Variants in UGT1A10 observed in about 807,000 individuals in gnomAD.
The protein encoded by UGT1A10 is UDP-glucuronosyltransferase 1A10.
A neutral mutation model predicts 45.8 loss-of-function variants in UGT1A10; 49 were observed. The ratio of observed to expected loss-of-function variants is 1.07; its 90% CI spans 0.85 to 1.36. UGT1A10 has a LOEUF of 1.36. UGT1A10 is among the 40% of genes most tolerant of loss of function. UGT1A10 has a pLI of 0.00. For missense variants in UGT1A10, 745 were observed against 668.6 expected, an observed-to-expected ratio of 1.11 and a Z score of -1.26; for synonymous variants, 284 against 249.7, an observed-to-expected ratio of 1.14 and a Z score of -1.29.
intron 1 of UGT1A10, among the ~76,000 whole-genome samples, chr2:233,745,802 C>T (rs1262659143): frequency 2.0e-5 from 3 of 151,022 alleles, no homozygotes; most frequent in Non-Finnish European, 2.9e-5. Context: ...GGGTCTATCC[C>T]AGAGTTTTGA....
intron 1 of UGT1A10, among the ~76,000 whole-genome samples, chr2:233,704,774 T>A (rs2125597595): frequency 6.6e-6 from 1 of 152,284 alleles, no homozygotes; most frequent in Admixed American, 6.5e-5. Flanking sequence ...CGCTTCCATA[T>A]GTTATAGTCC....
chr2:233,721,761 G>A, intron 1 of UGT1A10: 1 of 472,552 alleles, frequency 2.1e-6, no homozygotes. Flanking sequence ...CATCTAAATT[G>A]TTATATTTAG....
At chr2:233,730,201 G>A (rs1312808089) in intron 1 of UGT1A10, among the ~76,000 whole-genome samples, 2 of 152,190 alleles carry the variant, frequency 1.3e-5, no homozygotes, top group Non-Finnish European at 2.9e-5. Context: ...AGAGGAAGAG[G>A]AAGTAGACAC....
rs1367323954 is a variant in UGT1A10, at chr2:233,708,042, G to A, written c.856-58992G>A. ...TAGTTCTTTGGCAGTTATAGATATT[G>A]CAAATATCTTCCCCCACTCTGCATC... is the stretch of plus-strand genomic sequence containing the variant. On this transcript the variant is annotated intron_variant, in intron 1 of 4. Transcript: ENST00000344644. Among the ~76,000 whole-genome samples, 5 of 152,100 alleles carry A rather than the reference G, an allele frequency of 3.3e-5. No homozygotes were observed. The South Asian group carries it at 6.2e-4, about 19-fold the overall frequency.
chr2:233,719,078 G>A, intron 1 of UGT1A10: 11 of 1,614,254 alleles, frequency 6.8e-6, no homozygotes, highest in Non-Finnish European at 9.3e-6. Context: ...CATGGACCCA[G>A]AAGGAATTTG....
intron 1 of UGT1A10, among the ~76,000 whole-genome samples, chr2:233,665,643 GGCAGGCCCTTT>G (rs1402049646): frequency 2.0e-5 from 3 of 152,206 alleles, no homozygotes; most frequent in Admixed American, 2.0e-4. Flanking sequence ...GAGGTCTAAG[GGCAGGCCCTTT>G]GCTATCTGTA....
intron 1 of UGT1A10, among the ~76,000 whole-genome samples, chr2:233,728,866 T>C (rs1366541445): frequency 6.6e-6 from 1 of 152,200 alleles, no homozygotes; most frequent in African/African-American, 2.4e-5. Context: ...AACAAGAGCT[T>C]GAACTTGGAT....
chr2:233,721,828 C>A, intron 1 of UGT1A10: 1 of 516,354 alleles, frequency 1.9e-6, no homozygotes, highest in South Asian at 1.4e-5. Context: ...CTATTTGGGC[C>A]ACCGACCTTG....
chr2:233,764,888 C>G (rs1553621888), intron 1 of UGT1A10, among the ~76,000 whole-genome samples: 1 of 147,412 alleles, frequency 6.8e-6, no homozygotes, highest in Non-Finnish European at 1.5e-5. Context: ...AAGGCAAAGA[C>G]AAAGCCCTTA....
chr2:233,704,212 A>G (rs533742859), intron 1 of UGT1A10, among the ~76,000 whole-genome samples: 2 of 141,756 alleles, frequency 1.4e-5, no homozygotes, highest in East Asian at 4.1e-4. Flanking sequence ...TTTATGCTCT[A>G]TATCTCTCAT....
rs559725558 is a variant in UGT1A10, at chr2:233,636,816, G to C, written c.294G>C (p.Trp98Cys). ...REFMVFAHAQ[W>C]KAQAQSIFSL... ...TCATGGTTTTCGCCCATGCTCAATG[G>C]AAAGCACAGGCACAAAGTATATTTT... The change falls in exon 1 of 5, where the codon TGG becomes TGC. Residue 98 changes from tryptophan to cysteine, a missense_variant. Transcript: ENST00000344644. 2 of 1,614,184 alleles carry C rather than the reference G, an allele frequency of 1.2e-6. No homozygotes were observed. The highest frequency in any genetic ancestry group is 4.5e-5 in the East Asian group (2 of 44,892).
chr2:233,716,223 G>A (rs907028854), intron 1 of UGT1A10, among the ~76,000 whole-genome samples: 4 of 152,088 alleles, frequency 2.6e-5, no homozygotes, highest in African/African-American at 9.7e-5. Flanking sequence ...AAGAGCCCTT[G>A]TGATTACATT....
At chr2:233,654,468 G>A (rs1361339739) in intron 1 of UGT1A10, among the ~76,000 whole-genome samples, 2 of 152,170 alleles carry the variant, frequency 1.3e-5, no homozygotes, top group Admixed American at 6.5e-5. Flanking sequence ...ATAAAATTAA[G>A]TAGTTTACAG....
rs749953558 is a variant in UGT1A10, at chr2:233,682,638, T to C, written c.855+45261T>C. Reference sequence around the variant, plus strand: ...AATGTCTTAGAAATAGCCTCTGAAATTCTCCAAACCCCTGTCACGGCATAT... The same window carrying C: ...AATGTCTTAGAAATAGCCTCTGAAACTCTCCAAACCCCTGTCACGGCATAT... On this transcript the variant is annotated intron_variant, in intron 1 of 4. Coordinates refer to ENST00000344644, the MANE Select transcript of UGT1A10 (RefSeq NM_019075.4). 26 of 1,613,814 alleles carry C rather than the reference T, an allele frequency of 1.6e-5. No individual in the cohort carries two copies. The East Asian group carries it at 5.3e-4, about 33-fold the overall frequency.
chr2:233,679,117 C>G (rs1310985222), intron 1 of UGT1A10, among the ~76,000 whole-genome samples: 2 of 152,126 alleles, frequency 1.3e-5, no homozygotes. Flanking sequence ...TCTAAATTTC[C>G]TTAAGACACC....
intron 1 of UGT1A10, among the ~76,000 whole-genome samples, chr2:233,724,351 C>G: frequency 6.8e-6 from 1 of 147,806 alleles, no homozygotes; most frequent in African/African-American, 2.5e-5. Context: ...CCCCCCCCAC[C>G]TCCCTCCCGG....
At chr2:233,761,234 G>A in intron 1 of UGT1A10, 1 of 1,612,826 alleles carries the variant, frequency 6.2e-7, no homozygotes, top group Non-Finnish European at 8.5e-7. Flanking sequence ...CCAGATATAT[G>A]CTGAGCAAGC....
chr2:233,648,482 A>T (rs2073659002), intron 1 of UGT1A10: 1 of 156,994 alleles, frequency 6.4e-6, no homozygotes, highest in Non-Finnish European at 1.4e-5. Context: ...TATTTTTGAG[A>T]CGGAGTCTTG....
Position 233,772,682 on chromosome 2 carries a change from G to T in UGT1A10, c.*123G>T. 2.0e-6 allele frequency: 3 copies of T among 1,494,758 alleles called. No individual in the cohort carries two copies. Among genetic ancestry groups the T allele is most frequent in the East Asian group, 2.5e-5 (1 of 40,656 alleles). 92.6% of individuals were successfully genotyped at this position (1,494,758 alleles called of 1,614,324 possible). A position where few individuals can be genotyped will look rare whatever the true frequency, so the allele number is the denominator to read the frequency against. ...GGAAATACTTTGCATAAATTAATCA[G>T]CCCCAGAGTGCTTTAAAAAATTCTC... On this transcript the variant is annotated 3_prime_UTR_variant, in exon 5 of 5. Coordinates refer to ENST00000344644, the MANE Select transcript of UGT1A10 (RefSeq NM_019075.4).
Sources: gnomAD v4.1 joint callset for allele counts (sites outside exome capture counted in the v4.1 genomes callset) on GRCh38, gnomAD v4.1.1 for gene constraint, MANE v1.5 for transcripts, NCBI Gene and HGNC (gene_info 2026-07-23, HGNC 2026-07-21) for gene names.